PRR16: variants seen among roughly 807,000 people sequenced by gnomAD.
The protein encoded by PRR16 is proline rich 16.
A neutral mutation model predicts 18.2 loss-of-function variants in PRR16; 6 were observed. That is an observed-to-expected ratio of 0.33 (90% CI 0.18 to 0.65). PRR16 has a LOEUF of 0.65. PRR16 is among the 30% of genes least tolerant of loss of function. The pLI, the probability that PRR16 is intolerant of heterozygous loss-of-function variation, is 0.74. For missense variants in PRR16, 412 were observed against 376.6 expected, an observed-to-expected ratio of 1.09 and a Z score of -0.78; for synonymous variants, 151 against 147.8, an observed-to-expected ratio of 1.02 and a Z score of -0.16.
chr5:120,550,572 T>C lies in PRR16; in HGVS notation c.159+85927T>C, dbSNP rs140811514. On this transcript the variant is annotated intron_variant, in intron 1 of 1. Transcript: ENST00000407149. ...TCAACGCATGCAGTAAAAGGGTGTT[T>C]GAAAAATGCATCATCTCTGAGTCAG... Among the ~76,000 whole-genome samples the C allele has an allele frequency of 2.4e-3, 366 of 152,150 alleles. 2 individuals carry two copies. Among genetic ancestry groups the C allele is most frequent in the African/African-American group, 8.5e-3 (352 of 41,540 alleles).
At chr5:120,697,908 T>C in the PRR16 span, among the ~76,000 whole-genome samples, 2 of 152,136 alleles carry the variant, frequency 1.3e-5, no homozygotes, top group Admixed American at 6.5e-5. Flanking sequence ...TGGTGGAATG[T>C]CATCAGTTAA....
intron 1 of PRR16, among the ~76,000 whole-genome samples, chr5:120,683,466 C>T (rs1466572241): frequency 6.9e-6 from 1 of 145,948 alleles, no homozygotes; most frequent in East Asian, 2.1e-4. Context: ...CGCATCACTG[C>T]ACTCCAGCCT....
the PRR16 span, among the ~76,000 whole-genome samples, chr5:120,696,509 A>G: frequency 6.6e-6 from 1 of 152,218 alleles, no homozygotes; most frequent in South Asian, 2.1e-4. Context: ...AAAATGATTA[A>G]GTTGAATTCC....
chr5:120,549,951 C>T (rs977154346), intron 1 of PRR16, among the ~76,000 whole-genome samples: 2 of 151,898 alleles, frequency 1.3e-5, no homozygotes, highest in African/African-American at 4.8e-5. Context: ...CTCTCATAAA[C>T]ATGGTAAAGG....
At chr5:120,540,289 C>T (rs1237712407) in intron 1 of PRR16, among the ~76,000 whole-genome samples, 1 of 152,154 alleles carries the variant, frequency 6.6e-6, no homozygotes, top group Non-Finnish European at 1.5e-5. Flanking sequence ...TGTTTGCACA[C>T]AGCAGCTAGA....
chr5:120,542,713 C>T (rs748653974), intron 1 of PRR16, among the ~76,000 whole-genome samples: 92 of 152,218 alleles, frequency 6.0e-4, no homozygotes, highest in Non-Finnish European at 9.4e-4. Flanking sequence ...CTTATAATTA[C>T]ATAAGTATGT....
the PRR16 span, among the ~76,000 whole-genome samples, chr5:120,723,376 T>C: frequency 1.3e-5 from 2 of 151,948 alleles, no homozygotes; most frequent in African/African-American, 4.8e-5. Context: ...ATGCATCTTA[T>C]CAGTAATTTC....
At chr5:120,707,398 T>C in the PRR16 span, among the ~76,000 whole-genome samples, 1 of 152,146 alleles carries the variant, frequency 6.6e-6, no homozygotes, top group Non-Finnish European at 1.5e-5. Context: ...ATAGGAGGGA[T>C]TGTCAGAGAA....
At chr5:120,644,348 A>G (rs1434599547) in intron 1 of PRR16, among the ~76,000 whole-genome samples, 2 of 152,144 alleles carry the variant, frequency 1.3e-5, no homozygotes, top group South Asian at 2.1e-4. Flanking sequence ...CCAAGAAAAA[A>G]GGTAAAAGGA....
At chr5:120,641,238 T>C (rs1755412127) in intron 1 of PRR16, among the ~76,000 whole-genome samples, 1 of 151,934 alleles carries the variant, frequency 6.6e-6, no homozygotes, top group African/African-American at 2.4e-5. Context: ...TTGAAGATTA[T>C]GTGTCAACCA....
chr5:120,721,682 A>G, the PRR16 span, among the ~76,000 whole-genome samples: 1 of 152,168 alleles, frequency 6.6e-6, no homozygotes, highest in African/African-American at 2.4e-5. Flanking sequence ...TCTGGGTTTT[A>G]TAAAGAAAAC....
At chr5:120,498,716 C>T (rs1465844004) in intron 1 of PRR16, among the ~76,000 whole-genome samples, 1 of 151,430 alleles carries the variant, frequency 6.6e-6, no homozygotes, top group Non-Finnish European at 1.5e-5. Flanking sequence ...GACCAGTTCT[C>T]TTATTTTTTA....
intron 1 of PRR16, among the ~76,000 whole-genome samples, chr5:120,502,356 TA>T (rs1480275869): frequency 7.5e-6 from 1 of 133,596 alleles, no homozygotes; most frequent in Non-Finnish European, 1.6e-5. Flanking sequence ...TATTTCCATA[TA>T]TATTTTATAT....
intron 1 of PRR16, among the ~76,000 whole-genome samples, chr5:120,505,974 A>AT (rs929095647): frequency 6.7e-6 from 1 of 148,224 alleles, no homozygotes; most frequent in Non-Finnish European, 1.5e-5. Flanking sequence ...ATATATACAC[A>AT]TTTTTTCTAC....
At chr5:120,630,360 G>A (rs1389956469) in intron 1 of PRR16, among the ~76,000 whole-genome samples, 1 of 151,876 alleles carries the variant, frequency 6.6e-6, no homozygotes, top group Non-Finnish European at 1.5e-5. Flanking sequence ...TGACTTTCCG[G>A]CACAGTGTAC....
the PRR16 span, among the ~76,000 whole-genome samples, chr5:120,695,873 A>C: frequency 9.9e-5 from 15 of 151,898 alleles, 1 homozygote; most frequent in South Asian, 3.1e-3. Flanking sequence ...GATTTTCACC[A>C]TTTATCTGAA....
At chr5:120,718,331 C>T in the PRR16 span, among the ~76,000 whole-genome samples, 3 of 152,138 alleles carry the variant, frequency 2.0e-5, no homozygotes, top group South Asian at 6.2e-4. Flanking sequence ...AATTAATTAT[C>T]CTTTATACCA....
At chr5:120,677,911 T>TC (rs1232123945) in intron 1 of PRR16, among the ~76,000 whole-genome samples, 29 of 131,052 alleles carry the variant, frequency 2.2e-4, no homozygotes, top group Non-Finnish European at 3.4e-4. Context: ...CTTTCTTTTT[T>TC]TTTTTTTTTT....
the PRR16 span, among the ~76,000 whole-genome samples, chr5:120,757,606 G>T: frequency 1.1e-4 from 17 of 151,766 alleles, no homozygotes; most frequent in Admixed American, 3.3e-4. Context: ...TTATTTTGTC[G>T]TTATTATATG....
Sources: allele counts gnomAD v4.1 joint callset (sites outside exome capture counted in the v4.1 genomes callset), GRCh38; gene constraint gnomAD v4.1.1; transcripts MANE v1.5; gene names NCBI Gene and HGNC (gene_info 2026-07-23, HGNC 2026-07-21).